Variants in KLHL28 observed in about 807,000 individuals in gnomAD.
The protein encoded by KLHL28 is kelch like family member 28, also known as kelch-like protein 28.
KLHL28 carries 22 observed loss-of-function variants against 48.3 expected under a neutral mutation model. The ratio of observed to expected loss-of-function variants is 0.46; its 90% CI spans 0.33 to 0.65. The LOEUF is 0.65. Ranked by LOEUF, KLHL28 falls within the 30% of genes least tolerant of loss-of-function variation. The pLI, the probability that KLHL28 is intolerant of heterozygous loss-of-function variation, is 0.03. For missense variants in KLHL28, 527 were observed against 704.3 expected (o/e 0.75, Z 2.85); for synonymous variants, 243 against 242.4 (o/e 1.00, Z -0.02).
At position 44,946,041 on chromosome 14, in the gene KLHL28, G is replaced by A. The variant is rs116920413; in HGVS notation, c.1-113C>T. Reference sequence around the variant, plus strand: ...TTGTAATTTATTTGTCTGTTCATTGGTTTTTAAATACTTCATAGTAAATAC... The same window carrying A: ...TTGTAATTTATTTGTCTGTTCATTGATTTTTAAATACTTCATAGTAAATAC... On this transcript the variant is annotated intron_variant, in intron 1 of 4. Transcript: ENST00000396128. 4,698 of 830,598 alleles carry A rather than the reference G, an allele frequency of 5.7e-3. 17 individuals are homozygous for A. Among genetic ancestry groups the A allele is most frequent in the Non-Finnish European group, 7.4e-3 (3,975 of 540,108 alleles). The allele number at this position is 830,598 out of a possible 1,614,324, so 51.5% of individuals were successfully genotyped here.
intron 3 of KLHL28, among the ~76,000 whole-genome samples, 200 bp downstream of exon 3, chr14:44,933,915 T>G (rs1461939977): frequency 6.6e-6 from 1 of 152,202 alleles, no homozygotes; most frequent in Non-Finnish European, 1.5e-5. Context: ...GAATGTAAAA[T>G]TTAATGAGAG....
chr14:44,944,990 A>G (rs367584301), intron 2 of KLHL28, 40 bp downstream of exon 2: 98 of 1,357,766 alleles, frequency 7.2e-5, no homozygotes, highest in Non-Finnish European at 9.4e-5. Flanking sequence ...AAAGCATAAA[A>G]TCAATTAGCA....
chr14:44,958,076 T>C (rs1333590609), intron 1 of KLHL28, among the ~76,000 whole-genome samples: 1 of 121,060 alleles, frequency 8.3e-6, no homozygotes, highest in Non-Finnish European at 1.6e-5. Context: ...GTTTTTGTTC[T>C]TTTTTTTTTT....
chr14:44,944,594 A>C (rs1429107858), intron 2 of KLHL28, among the ~76,000 whole-genome samples: 1 of 152,222 alleles, frequency 6.6e-6, no homozygotes, highest in Admixed American at 6.5e-5. Context: ...TAGCACTTCT[A>C]GTGAACTGTT....
intron 1 of KLHL28, among the ~76,000 whole-genome samples, chr14:44,956,779 T>C (rs1214505077): frequency 6.6e-6 from 1 of 152,202 alleles, no homozygotes; most frequent in African/African-American, 2.4e-5. Context: ...ATATATTAAT[T>C]AATCACTGCT....
chr14:44,956,922 A>T (rs901642870), intron 1 of KLHL28, among the ~76,000 whole-genome samples: 1 of 152,172 alleles, frequency 6.6e-6, no homozygotes, highest in Non-Finnish European at 1.5e-5. Flanking sequence ...GGCTCAAGGG[A>T]TTCTCCCTCC....
At chr14:44,936,294 T>C (rs1368471728) in intron 2 of KLHL28, among the ~76,000 whole-genome samples, 8 of 152,074 alleles carry the variant, frequency 5.3e-5, no homozygotes. Context: ...CAAAATGTGT[T>C]TGCATGCTGA....
chr14:44,955,604 C>T (rs1594585681), intron 1 of KLHL28, among the ~76,000 whole-genome samples: 1 of 151,996 alleles, frequency 6.6e-6, no homozygotes, highest in East Asian at 1.9e-4. Flanking sequence ...GGTGAAATTC[C>T]GTCTCTACAA....
intron 1 of KLHL28, among the ~76,000 whole-genome samples, chr14:44,955,433 G>C (rs1272884600): frequency 1.3e-5 from 2 of 152,070 alleles, no homozygotes; most frequent in Non-Finnish European, 2.9e-5. Flanking sequence ...CCCTCAAAGA[G>C]AACAGAACTC....
chr14:44,961,585 GA>G (rs1384808504), intron 1 of KLHL28: 1 of 151,964 alleles, frequency 6.6e-6, no homozygotes, highest in Non-Finnish European at 1.5e-5. Context: ...ACCAGGAATT[GA>G]AAAAAAATAC....
At chr14:44,955,587 G>A in intron 1 of KLHL28, among the ~76,000 whole-genome samples, 1 of 152,038 alleles carries the variant, frequency 6.6e-6, no homozygotes, top group Admixed American at 6.6e-5. Context: ...ACCAGCCTGG[G>A]CAACACGGTG....
rs1235339529 is a variant in KLHL28 at position 44,961,929 on chromosome 14, G to C, written c.-84C>G. 1 of 153,812 alleles carries C rather than the reference G, an allele frequency of 6.5e-6. No homozygotes were observed. The highest frequency in any genetic ancestry group is 2.4e-5 in the African/African-American group (1 of 41,500). The allele number at this position is 153,812 out of a possible 1,614,324, so 9.5% of individuals were successfully genotyped here. Reference sequence around the variant, plus strand: ...CTGGGCTGGATCCTCACTAGCTCCGGTCAAACCCTAACTCTTACGGGTGGG... The same window carrying C: ...CTGGGCTGGATCCTCACTAGCTCCGCTCAAACCCTAACTCTTACGGGTGGG... On this transcript the variant is annotated 5_prime_UTR_variant, in exon 1 of 5. Transcript: ENST00000396128.
Position 44,945,165 on chromosome 14 carries a change from T to C in KLHL28, c.764A>G (p.Asn255Ser). The C allele has an allele frequency of 6.2e-7, 1 of 1,614,196 alleles. No homozygotes were observed. Among genetic ancestry groups the C allele is most frequent in the South Asian group, 1.1e-5 (1 of 91,082 alleles). Residue 255 changes from asparagine to serine, a missense_variant, in exon 2 of 5, where the codon AAT (asparagine) becomes AGT (serine). Coordinates refer to ENST00000396128, the MANE Select transcript of KLHL28 (RefSeq NM_017658.5). ...RDDRTCKHLL[N>S]EALKYHFMPE... is the part of the protein sequence containing the mutation. ...CATAAAGTGGTACTTTAGGGCTTCA[T>C]TCAAAAGATGTTTACAAGTGCGATC...
At chr14:44,937,926 A>G (rs1274279116) in intron 2 of KLHL28, among the ~76,000 whole-genome samples, 1 of 152,216 alleles carries the variant, frequency 6.6e-6, no homozygotes, top group Non-Finnish European at 1.5e-5. Flanking sequence ...AAGAGGGTGG[A>G]TCCTTCAGGG....
chr14:44,942,076 T>C (rs74908616), intron 2 of KLHL28, among the ~76,000 whole-genome samples: 6,610 of 152,282 alleles, frequency 0.043, 214 homozygotes, highest in East Asian at 0.12. Flanking sequence ...CCAGCTACCA[T>C]AGAATATCCT....
chr14:44,953,241 C>T (rs1416728712), intron 1 of KLHL28, among the ~76,000 whole-genome samples: 2 of 151,984 alleles, frequency 1.3e-5, no homozygotes, highest in Admixed American at 6.6e-5. Flanking sequence ...AACGGAATAG[C>T]CATATGGAAA....
chr14:44,956,520 T>A lies in KLHL28; in HGVS notation c.-1+5326A>T, dbSNP rs1884800243. ...CTCTAGTTCCAACTATTAATTTACA[T>A]AAAATATAGAAAATAGAAAAATCAT... On this transcript the variant is annotated intron_variant, in intron 1 of 4. Coordinates refer to ENST00000396128, the MANE Select transcript of KLHL28 (RefSeq NM_017658.5). Among the ~76,000 whole-genome samples, 7 of 152,128 alleles carry A rather than the reference T, an allele frequency of 4.6e-5. No individual in the cohort carries two copies. The South Asian group carries it at 1.5e-3, about 32-fold the overall frequency.
At position 44,942,792 on chromosome 14, in the gene KLHL28, C is replaced by T. The variant is rs771707788; in HGVS notation, c.899+2238G>A. ...TCTACAATTCCTCTTCCCTAAATCC[C>T]CCAGATGGGATAAATGGTTCTCTTT... On this transcript the variant is annotated intron_variant, in intron 2 of 4. Transcript: ENST00000396128. 6.1e-4 allele frequency among the ~76,000 whole-genome samples: 93 copies of T among 152,128 alleles called. 1 individual carries two copies. The highest frequency in any genetic ancestry group is 1.0e-4 in the Non-Finnish European group (7 of 68,028).
chr14:44,961,011 A>AC, intron 1 of KLHL28: 1 of 780,542 alleles, frequency 1.3e-6, no homozygotes, highest in Non-Finnish European at 2.1e-6. Flanking sequence ...AAAAAAAAAA[A>AC]TATCTCTTCC....
Sources: allele counts gnomAD v4.1 joint callset (sites outside exome capture counted in the v4.1 genomes callset), GRCh38; gene constraint gnomAD v4.1.1; transcripts MANE v1.5; gene names NCBI Gene and HGNC (gene_info 2026-07-23, HGNC 2026-07-21).